CERS4: variants seen among roughly 807,000 people sequenced by gnomAD.
CERS4 encodes LAG1 homolog, ceramide synthase 4.
CERS4 carries 65 observed loss-of-function variants against 51.8 expected under a neutral mutation model. The observed-to-expected ratio is 1.26, with a 90% CI of 1.03 to 1.54. CERS4 has a LOEUF of 1.54. Among genes scored for constraint, CERS4 ranks in the 40% most tolerant of loss-of-function variants. CERS4 has a pLI of 0.00. For synonymous variants in CERS4, 228 were observed against 208.4 expected (o/e 1.09, Z -0.81); for missense variants, 563 against 500.4 (o/e 1.13, Z -1.19).
chr19:8,254,014 A>C (rs1421888589), intron 3 of CERS4, among the ~76,000 whole-genome samples: 2 of 152,010 alleles, frequency 1.3e-5, no homozygotes, highest in Non-Finnish European at 2.9e-5. Flanking sequence ...CCCTCTGATC[A>C]GATGGAAAAG....
At chr19:8,252,566 G>A (rs1022740748) in intron 3 of CERS4, among the ~76,000 whole-genome samples, 8 of 151,172 alleles carry the variant, frequency 5.3e-5, no homozygotes, top group Admixed American at 3.3e-4. Context: ...AGCCTCACAA[G>A]TAACTGGGAT....
intron 3 of CERS4, among the ~76,000 whole-genome samples, chr19:8,253,542 C>T (rs1969206140): frequency 6.7e-6 from 1 of 149,854 alleles, no homozygotes; most frequent in South Asian, 2.1e-4. Flanking sequence ...TCACTGCCAG[C>T]TCCGCCTCCT....
intron 2 of CERS4, among the ~76,000 whole-genome samples, chr19:8,249,587 A>ATTTTTTT (rs869119452): frequency 0.016 from 1,454 of 91,332 alleles, 124 homozygotes; most frequent in East Asian, 0.038. Context: ...GGAACTCTGG[A>ATTTTTTT]TTTTTTTTTT....
rs368779679 is a variant in CERS4, at chr19:8,221,426, C to G, written c.-2+10564C>G. On this transcript the variant is annotated intron_variant, in intron 2 of 11. Coordinates refer to ENST00000251363, the MANE Select transcript of CERS4 (RefSeq NM_024552.3). ...CATTGTATTTGTTTTCACGGCTAGC[C>G]TCTGCACGTGATGCCAATGCTGGCT... Among the ~76,000 whole-genome samples, 8 of 152,254 alleles carry G rather than the reference C, an allele frequency of 5.3e-5. No individual in the cohort carries two copies. In the East Asian group the frequency reaches 1.3e-3, roughly 26 times the overall value.
intron 9 of CERS4, 40 bp downstream of exon 9, chr19:8,257,117 C>T: frequency 1.9e-6 from 3 of 1,542,142 alleles, no homozygotes; most frequent in Admixed American, 1.9e-5. Flanking sequence ...AGCTGCTGTA[C>T]CCAGCCCTCC....
intron 2 of CERS4, among the ~76,000 whole-genome samples, chr19:8,211,903 A>C (rs962526513): frequency 6.6e-6 from 1 of 151,602 alleles, no homozygotes; most frequent in Admixed American, 6.6e-5. Context: ...AAAAAAAAAA[A>C]AAAAAAAAAA....
intron 2 of CERS4, chr19:8,238,464 G>T (rs1968371387): frequency 1.0e-6 from 1 of 977,988 alleles, no homozygotes; most frequent in Non-Finnish European, 1.2e-6. Context: ...TGGAGGCTTG[G>T]GGCTGGTCTT....
intron 3 of CERS4, among the ~76,000 whole-genome samples, chr19:8,253,632 T>C (rs891781783): frequency 6.6e-6 from 1 of 151,824 alleles, no homozygotes; most frequent in African/African-American, 2.4e-5. Flanking sequence ...GCCCGGCTAA[T>C]TTTTTGTATT....
At chr19:8,255,110 T>A (rs1002273863) in intron 4 of CERS4, among the ~76,000 whole-genome samples, 1 of 152,118 alleles carries the variant, frequency 6.6e-6, no homozygotes, top group Admixed American at 6.6e-5. Flanking sequence ...GGACAGGGTC[T>A]GTGCTGTGGA....
At chr19:8,253,331 C>T (rs1012788415) in intron 3 of CERS4, among the ~76,000 whole-genome samples, 1 of 152,166 alleles carries the variant, frequency 6.6e-6, no homozygotes, top group African/African-American at 2.4e-5. Context: ...AGGACCCAGG[C>T]CACAGTGAGA....
intron 9 of CERS4, 84 bp downstream of exon 9, chr19:8,257,161 A>AGGAAGGTTGGGAGG: frequency 7.1e-7 from 1 of 1,409,906 alleles, no homozygotes; most frequent in East Asian, 2.4e-5. Context: ...CATTCCTCCC[A>AGGAAGGTTGGGAGG]ACCTTCCTGG....
chr19:8,221,870 A>ATTTTTTTTTT (rs1568501097), intron 2 of CERS4, among the ~76,000 whole-genome samples: 1 of 31,770 alleles, frequency 3.1e-5, no homozygotes, highest in Non-Finnish European at 7.7e-5. Flanking sequence ...TTATTTTTTT[A>ATTTTTTTTTT]TGTTTTTTTT....
chr19:8,240,585 AGTGTGTGTGTGTGT>A (rs5742074), intron 2 of CERS4: 6 of 142,080 alleles, frequency 4.2e-5, no homozygotes, highest in South Asian at 2.3e-4. Flanking sequence ...AATGTATGCA[AGTGTGTGTGTGTGT>A]GTGTGTGTGT....
intron 2 of CERS4, among the ~76,000 whole-genome samples, chr19:8,240,321 G>A (rs73008757): frequency 2.0e-5 from 3 of 152,040 alleles, no homozygotes; most frequent in African/African-American, 4.8e-5. Context: ...GGGGTCTTTG[G>A]GGGGAGTGGT....
intron 2 of CERS4, among the ~76,000 whole-genome samples, chr19:8,237,679 A>G (rs999653197): frequency 6.6e-6 from 1 of 151,666 alleles, no homozygotes; most frequent in African/African-American, 2.4e-5. Context: ...TGAAACCCCA[A>G]CTCTACTAAA....
At chr19:8,212,789 C>T (rs1474790497) in intron 2 of CERS4, among the ~76,000 whole-genome samples, 1 of 151,318 alleles carries the variant, frequency 6.6e-6, no homozygotes, top group Non-Finnish European at 1.5e-5. Context: ...CAGGTGCGAA[C>T]CACCACACCT....
At position 8,257,902 on chromosome 19, in the gene CERS4, G is replaced by A. The variant is rs1217425747; in HGVS notation, c.765G>A (p.Met255Ile). Residue 255 changes from methionine to isoleucine, a missense_variant, in exon 10 of 12, where the codon ATG (methionine) becomes ATA (isoleucine). Coordinates refer to ENST00000251363, the MANE Select transcript of CERS4 (RefSeq NM_024552.3). ...AGGCCTGTAAGATGGTCAACTACAT[G>A]CAGTATCAGCAAGTGTGCGACGCTC... ...LLEACKMVNY[M>I]QYQQVCDALF... The A allele has an allele frequency of 1.9e-6, 3 of 1,613,846 alleles. No homozygotes were observed. In the Admixed American group the frequency reaches 5.0e-5, roughly 27 times the overall value.
intron 2 of CERS4, among the ~76,000 whole-genome samples, chr19:8,221,746 G>A (rs1004873176): frequency 1.3e-5 from 2 of 150,974 alleles, no homozygotes; most frequent in East Asian, 1.9e-4. Context: ...TGCTGAGGTC[G>A]AACTCATGAC....
intron 2 of CERS4, among the ~76,000 whole-genome samples, chr19:8,231,877 G>A (rs1461668796): frequency 1.1e-5 from 1 of 87,794 alleles, no homozygotes; most frequent in Non-Finnish European, 2.2e-5. Flanking sequence ...TTTTTTTAGA[G>A]ACAGTCTCCC....
Sources: allele counts gnomAD v4.1 joint callset (sites outside exome capture counted in the v4.1 genomes callset), GRCh38; gene constraint gnomAD v4.1.1; transcripts MANE v1.5; gene names NCBI Gene and HGNC (gene_info 2026-07-23, HGNC 2026-07-21).